SLC22A24: variants seen among roughly 807,000 people sequenced by gnomAD.
The protein encoded by SLC22A24 is steroid transmembrane transporter SLC22A24.
A neutral mutation model predicts 49.8 loss-of-function variants in SLC22A24; 53 were observed. The ratio of observed to expected loss-of-function variants is 1.06; its 90% CI spans 0.85 to 1.34. The LOEUF (loss-of-function observed/expected upper bound fraction) is 1.34, where lower values mean the gene tolerates loss of function less well. Among genes scored for constraint, SLC22A24 ranks in the 40% most tolerant of loss-of-function variants. SLC22A24 has a pLI of 0.00. For synonymous variants in SLC22A24, 302 were observed against 256.4 expected (o/e 1.18, Z -1.70); for missense variants, 786 against 675.9 (o/e 1.16, Z -1.81).
At chr11:63,131,432 T>C (rs1181538494) in intron 2 of SLC22A24, among the ~76,000 whole-genome samples, 1 of 152,198 alleles carries the variant, frequency 6.6e-6, no homozygotes, top group Non-Finnish European at 1.5e-5. Flanking sequence ...TTCCTTTCCA[T>C]GTTTAGTGCT....
intron 8 of SLC22A24, 120 bp downstream of exon 8, chr11:63,081,438 T>C (rs1284750532): frequency 1.3e-6 from 1 of 751,180 alleles, no homozygotes; most frequent in East Asian, 2.7e-5. Flanking sequence ...AGTTACTCTG[T>C]TCATTTCTAT....
intron 4 of SLC22A24, among the ~76,000 whole-genome samples, chr11:63,110,421 C>G (rs1242709105): frequency 5.3e-5 from 8 of 151,646 alleles, no homozygotes; most frequent in African/African-American, 1.9e-4. Context: ...GGCATTGAAT[C>G]TATAAATTAT....
chr11:63,107,445 G>A (rs1201213892), intron 4 of SLC22A24, among the ~76,000 whole-genome samples: 1 of 152,184 alleles, frequency 6.6e-6, no homozygotes, highest in Non-Finnish European at 1.5e-5. Flanking sequence ...GAAGTTTAAA[G>A]TAGTTTTTCC....
intron 4 of SLC22A24, among the ~76,000 whole-genome samples, chr11:63,106,661 G>A (rs1455239733): frequency 6.6e-6 from 1 of 151,794 alleles, no homozygotes; most frequent in Non-Finnish European, 1.5e-5. Flanking sequence ...GTTTTGATTT[G>A]CATTTCTCTG....
intron 1 of SLC22A24, 46 bp downstream of exon 1, chr11:63,143,332 A>G (rs2087428173): frequency 7.1e-7 from 1 of 1,400,524 alleles, no homozygotes; most frequent in East Asian, 2.6e-5. Context: ...TGTTAACTCC[A>G]AACACTTTAA....
At position 63,081,574 on chromosome 11, in the gene SLC22A24, C is replaced by G. The variant is rs375541298; in HGVS notation, c.1378G>C (p.Val460Leu). ...NSASVHHNEL[V>L]PTILRSTVAG... is the part of the protein sequence containing the mutation. ...CTCTTGTACCTCAATATGGTGGGGA[C>G]GAGCTCGTTGTGGTGGACAGAAGCA... The change falls in exon 8 of 10, where the codon GTC becomes CTC. Residue 460 changes from valine to leucine, a missense_variant. Val to Leu is a conservative substitution (Grantham distance 32, BLOSUM62 1). Coordinates refer to ENST00000612278, the MANE Select transcript of SLC22A24 (RefSeq NM_001136506.2). 6.4e-7 allele frequency: 1 copy of G among 1,550,946 alleles called. No homozygotes were observed. Among genetic ancestry groups the G allele is most frequent in the Non-Finnish European group, 8.7e-7 (1 of 1,146,400 alleles).
intron 2 of SLC22A24, among the ~76,000 whole-genome samples, chr11:63,131,278 T>C (rs2087333492): frequency 6.6e-6 from 1 of 152,178 alleles, no homozygotes; most frequent in African/African-American, 2.4e-5. Flanking sequence ...CCCAGTTACA[T>C]TTAAGGTTAA....
intron 5 of SLC22A24, 101 bp downstream of exon 5, chr11:63,104,074 T>A: frequency 8.1e-7 from 1 of 1,237,322 alleles, no homozygotes; most frequent in Non-Finnish European, 1.1e-6. Context: ...AAGACTCCAC[T>A]CACAGAAGTC....
chr11:63,109,247 T>C (rs1262498761), intron 4 of SLC22A24, among the ~76,000 whole-genome samples: 19 of 145,810 alleles, frequency 1.3e-4, no homozygotes, highest in Non-Finnish European at 2.1e-4. Flanking sequence ...AGTCTATCAG[T>C]GTTGGACATT....
At chr11:63,109,125 C>T (rs1265153107) in intron 4 of SLC22A24, among the ~76,000 whole-genome samples, 1 of 150,752 alleles carries the variant, frequency 6.6e-6, no homozygotes, top group African/African-American at 2.4e-5. Flanking sequence ...CGATAATTTA[C>T]TGAGAATGAT....
In SLC22A24 at chr11:63,083,265, C is replaced by T. The variant is rs1229144115; in HGVS notation, c.1263G>A (p.Leu421=). 12 of 1,557,260 alleles carry T rather than the reference C, an allele frequency of 7.7e-6. No homozygotes were observed. The East Asian group carries it at 1.4e-4, about 19-fold the overall frequency. The change falls in exon 7 of 10, where the codon CTG becomes CTA. Residue 421 remains leucine, a synonymous_variant. Transcript: ENST00000612278. ...CACCTTGGGGCAAAAAGGTGTTGAC[C>T]AGAATGAAAAGTCCCACCGGGAACG... The part of the protein sequence containing the change: ...LFTFPVGLFI[L]VNTFLPQEMQ...
At chr11:63,119,691 G>A (rs2087237783) in intron 2 of SLC22A24, among the ~76,000 whole-genome samples, 1 of 152,154 alleles carries the variant, frequency 6.6e-6, no homozygotes, top group Admixed American at 6.5e-5. Context: ...TGTGTTTAGA[G>A]CACTGAGGAG....
At position 63,092,570 on chromosome 11, in the gene SLC22A24, C is replaced by T. The variant is rs187301415; in HGVS notation, c.1070+3421G>A. Reference sequence around the variant, plus strand: ...TACAACCATCTGATCTTTGACGAACCTGACATAAACAAGCAATGGGGAAAA... The same window carrying T: ...TACAACCATCTGATCTTTGACGAACTTGACATAAACAAGCAATGGGGAAAA... On this transcript the variant is annotated intron_variant, in intron 6 of 9. Transcript: ENST00000612278. Among the ~76,000 whole-genome samples the T allele has an allele frequency of 7.3e-3, 547 of 75,186 alleles. 8 individuals are homozygous for T. Among genetic ancestry groups the T allele is most frequent in the African/African-American group, 0.022 (509 of 23,058 alleles). 49.3% of individuals were successfully genotyped at this position (75,186 alleles called of 152,430 possible). A position where few individuals can be genotyped will look rare whatever the true frequency, so the allele number is the denominator to read the frequency against.
chr11:63,118,197 C>T (rs1272842918), intron 4 of SLC22A24, among the ~76,000 whole-genome samples: 1 of 143,926 alleles, frequency 6.9e-6, no homozygotes, highest in African/African-American at 2.5e-5. Context: ...GTCCTCCTCC[C>T]TCTAGTACCA....
intron 4 of SLC22A24, among the ~76,000 whole-genome samples, chr11:63,111,835 G>A (rs983047680): frequency 2.7e-4 from 41 of 151,936 alleles, no homozygotes; most frequent in South Asian, 8.3e-4. Context: ...AGGGTTTTTT[G>A]TGTCTCTATT....
intron 6 of SLC22A24, among the ~76,000 whole-genome samples, chr11:63,095,572 T>G (rs549420160): frequency 6.6e-6 from 1 of 152,210 alleles, no homozygotes; most frequent in Non-Finnish European, 1.5e-5. Flanking sequence ...GAAAGAGACA[T>G]GAGAGATGAT....
chr11:63,128,422 TG>T (rs561865368), intron 2 of SLC22A24, among the ~76,000 whole-genome samples: 200 of 138,450 alleles, frequency 1.4e-3, no homozygotes, highest in African/African-American at 4.2e-3. Flanking sequence ...TCCCTTTCCC[TG>T]GGGGAGTTAG....
chr11:63,115,817 G>A, intron 4 of SLC22A24: 1 of 186,086 alleles, frequency 5.4e-6, no homozygotes, highest in Non-Finnish European at 1.1e-5. Flanking sequence ...CCATGCAGAT[G>A]GCAGCCTATT....
chr11:63,128,353 G>C (rs1565042633), intron 2 of SLC22A24, among the ~76,000 whole-genome samples: 1 of 152,088 alleles, frequency 6.6e-6, no homozygotes, highest in African/African-American at 2.4e-5. Context: ...CCTTGGTCTA[G>C]TCGTAGCGTC....
Sources: gnomAD v4.1 joint callset for allele counts (sites outside exome capture counted in the v4.1 genomes callset) on GRCh38, gnomAD v4.1.1 for gene constraint, MANE v1.5 for transcripts, NCBI Gene and HGNC (gene_info 2026-07-23, HGNC 2026-07-21) for gene names.